LRMDA: variants seen among roughly 807,000 people sequenced by gnomAD.
The protein encoded by LRMDA is leucine-rich melanocyte differentiation-associated protein.
A neutral mutation model predicts 29.8 loss-of-function variants in LRMDA; 18 were observed. The observed-to-expected ratio is 0.60, with a 90% CI of 0.42 to 0.90. The LOEUF (loss-of-function observed/expected upper bound fraction) is 0.90. Ranked by LOEUF, LRMDA falls within the 40% of genes least tolerant of loss-of-function variation. LRMDA has a pLI of 0.00. For synonymous variants in LRMDA, 125 were observed against 109.4 expected (o/e 1.14, Z -0.89); for missense variants, 273 against 273.9 (o/e 1.00, Z 0.02).
chr10:75,891,202 T>A (rs1564598468), intron 2 of LRMDA, among the ~76,000 whole-genome samples: 1 of 152,126 alleles, frequency 6.6e-6, no homozygotes, highest in South Asian at 2.1e-4. Flanking sequence ...CAGGAAGCTG[T>A]TGAGAGGTCC....
chr10:75,523,501 G>T (rs1431444688), intron 2 of LRMDA, among the ~76,000 whole-genome samples: 4 of 152,172 alleles, frequency 2.6e-5, no homozygotes, highest in African/African-American at 9.7e-5. Flanking sequence ...AGATTCTACT[G>T]CATTCACTTG....
rs553920201 is a variant in LRMDA at position 75,641,925 on chromosome 10, GT to G, written c.131+203434del. 2.6e-3 allele frequency among the ~76,000 whole-genome samples: 397 copies of G among 152,214 alleles called. 1 individual carries two copies. The highest frequency in any genetic ancestry group is 6.8e-3 in the Middle Eastern group (2 of 294). ...TAAATATTCTTTGTCAGGCCATGAA[GT>G]TTAATTTTGGATCTGGAAATAAGTT... On this transcript the variant is annotated intron_variant, in intron 2 of 6. Transcript: ENST00000611255.
At chr10:76,362,279 A>C (rs1210552817) in intron 6 of LRMDA, among the ~76,000 whole-genome samples, 1 of 152,260 alleles carries the variant, frequency 6.6e-6, no homozygotes, top group Admixed American at 6.5e-5. Context: ...CAAGTGCTGT[A>C]TAAACAGGTG....
chr10:75,985,969 G>T (rs1847255954), intron 2 of LRMDA, among the ~76,000 whole-genome samples: 1 of 152,342 alleles, frequency 6.6e-6, no homozygotes, highest in African/African-American at 2.4e-5. Flanking sequence ...AAAGGCTCTT[G>T]TATCAACAGG....
At chr10:75,879,762 C>A (rs76992394) in intron 2 of LRMDA, among the ~76,000 whole-genome samples, 3,193 of 152,198 alleles carry the variant, frequency 0.021, 116 homozygotes, top group African/African-American at 0.072. Context: ...ATTCTCAGCT[C>A]TGAATGTACC....
At chr10:76,329,060 C>T (rs1271492116) in intron 6 of LRMDA, among the ~76,000 whole-genome samples, 4 of 152,202 alleles carry the variant, frequency 2.6e-5, no homozygotes, top group South Asian at 2.1e-4. Flanking sequence ...GGGATTCTCA[C>T]GTTCACCTGG....
intron 2 of LRMDA, among the ~76,000 whole-genome samples, chr10:75,913,731 ATG>A (rs1845882970): frequency 6.6e-6 from 1 of 152,126 alleles, no homozygotes; most frequent in African/African-American, 2.4e-5. Context: ...CGAGGGCACA[ATG>A]TGGGGTGGCC....
At chr10:76,155,661 C>T (rs1850523748) in intron 5 of LRMDA, among the ~76,000 whole-genome samples, 1 of 152,124 alleles carries the variant, frequency 6.6e-6, no homozygotes, top group Non-Finnish European at 1.5e-5. Context: ...CATCTAGTAA[C>T]TAGCTTACTA....
intron 5 of LRMDA, among the ~76,000 whole-genome samples, chr10:76,323,883 C>T (rs890361026): frequency 6.6e-6 from 1 of 152,150 alleles, no homozygotes; most frequent in Admixed American, 6.5e-5. Flanking sequence ...AGCCAGAATC[C>T]CCAGTACACA....
chr10:75,974,096 T>C (rs1847029346), intron 2 of LRMDA, among the ~76,000 whole-genome samples: 1 of 152,190 alleles, frequency 6.6e-6, no homozygotes. Context: ...TTTTGCATCT[T>C]CTATCTGTGG....
At chr10:75,789,067 G>A (rs896769025) in intron 2 of LRMDA, among the ~76,000 whole-genome samples, 1 of 152,212 alleles carries the variant, frequency 6.6e-6, no homozygotes, top group African/African-American at 2.4e-5. Flanking sequence ...TCCTCCTAAT[G>A]TAGTGTAGTG....
chr10:76,216,552 T>A (rs1851731534), intron 5 of LRMDA, among the ~76,000 whole-genome samples: 1 of 152,148 alleles, frequency 6.6e-6, no homozygotes, highest in Non-Finnish European at 1.5e-5. Flanking sequence ...TATAGCCAAT[T>A]AATTTGTGAA....
chr10:76,231,451 A>G (rs890340282), intron 5 of LRMDA, among the ~76,000 whole-genome samples: 1 of 152,240 alleles, frequency 6.6e-6, no homozygotes, highest in African/African-American at 2.4e-5. Context: ...ACAAGTGTGG[A>G]GAATGCAGAG....
chr10:75,993,719 C>T (rs150908085), intron 2 of LRMDA, among the ~76,000 whole-genome samples: 4,384 of 149,592 alleles, frequency 0.029, 80 homozygotes, highest in Middle Eastern at 0.049. Context: ...GGTGACAGAG[C>T]GAGACTTCAT....
At chr10:76,013,073 C>CTTT (rs1332501522) in intron 2 of LRMDA, among the ~76,000 whole-genome samples, 1 of 152,104 alleles carries the variant, frequency 6.6e-6, no homozygotes, top group Non-Finnish European at 1.5e-5. Flanking sequence ...TTAATTAGTA[C>CTTT]TAATTACCTC....
At chr10:75,703,729 A>C (rs1222149937) in intron 2 of LRMDA, among the ~76,000 whole-genome samples, 1 of 152,218 alleles carries the variant, frequency 6.6e-6, no homozygotes, top group Non-Finnish European at 1.5e-5. Flanking sequence ...CCTTTATGAC[A>C]GCGAACTCTT....
chr10:75,710,873 G>A (rs952925858), intron 2 of LRMDA, among the ~76,000 whole-genome samples: 5 of 152,226 alleles, frequency 3.3e-5, no homozygotes, highest in Non-Finnish European at 7.3e-5. Flanking sequence ...GCAATGGGAC[G>A]CTGTGATTGA....
At chr10:76,370,854 A>G (rs1466609638) in intron 6 of LRMDA, among the ~76,000 whole-genome samples, 1 of 152,160 alleles carries the variant, frequency 6.6e-6, no homozygotes, top group African/African-American at 2.4e-5. Context: ...TAAGTTGAGG[A>G]TGGAAGGTCT....
chr10:76,299,189 GCA>G (rs1488515762), intron 5 of LRMDA, among the ~76,000 whole-genome samples: 6 of 148,040 alleles, frequency 4.1e-5, no homozygotes, highest in Non-Finnish European at 6.0e-5. Flanking sequence ...GTGTGTGTGT[GCA>G]TGCACGCACG....
Sources: gnomAD v4.1 joint callset for allele counts (sites outside exome capture counted in the v4.1 genomes callset) on GRCh38, gnomAD v4.1.1 for gene constraint, MANE v1.5 for transcripts, NCBI Gene and HGNC (gene_info 2026-07-23, HGNC 2026-07-21) for gene names.